ARHGAP27: variants seen among roughly 807,000 people sequenced by gnomAD.
ARHGAP27 encodes the protein rho GTPase-activating protein 27.
A neutral mutation model predicts 102.0 loss-of-function variants in ARHGAP27; 53 were observed. The ratio of observed to expected loss-of-function variants is 0.52; its 90% CI spans 0.42 to 0.65. ARHGAP27 has a LOEUF of 0.65. Ranked by LOEUF, ARHGAP27 falls within the 30% of genes least tolerant of loss-of-function variation. The pLI is 0.00. For synonymous variants in ARHGAP27, 525 were observed against 542.8 expected (o/e 0.97, Z 0.46); for missense variants, 1,117 against 1,256.2 (o/e 0.89, Z 1.68).
chr17:45,415,671 G>A (rs2048380623), intron 4 of ARHGAP27, among the ~76,000 whole-genome samples: 1 of 152,112 alleles, frequency 6.6e-6, no homozygotes, highest in African/African-American at 2.4e-5. Flanking sequence ...CCATTGATCC[G>A]ACCAGCCTAA....
Position 45,405,029 on chromosome 17 carries a change from G to C in ARHGAP27, c.1143C>G (p.Phe381Leu). 1 of 1,613,750 alleles carries C rather than the reference G, an allele frequency of 6.2e-7. No homozygotes were observed. The highest frequency in any genetic ancestry group is 8.5e-7 in the Non-Finnish European group (1 of 1,179,808). ...PEEDYSPVGSFGEPGPTSPLT... is the reference protein window; with the variant it reads ...PEEDYSPVGSLGEPGPTSPLT... ...AGGGAGAGGTAGGGCCGGGCTCACC[G>C]AAAGAGCCCACGGGAGAATAGTCCT... Residue 381 changes from phenylalanine to leucine, a missense_variant, in exon 6 of 20, where the codon TTC (phenylalanine) becomes TTG (leucine). By Grantham distance (22) the Phe-to-Leu change is conservative. This residue lies in a region of ARHGAP27 where 610 missense variants were observed against 716.4 expected (regional missense o/e 0.85). Coordinates refer to ENST00000685559, the MANE Select transcript of ARHGAP27 (RefSeq NM_001282290.2).
rs36233058 is a variant in ARHGAP27, at chr17:45,412,962, C to CTTTTTTTTTT, written c.658-6889_658-6880dup. Among the ~76,000 whole-genome samples the CTTTTTTTTTT allele has an allele frequency of 1.7e-4, 7 of 41,142 alleles. 1 individual carries two copies. The highest frequency in any genetic ancestry group is 6.8e-4 in the African/African-American group (7 of 10,272). 27.0% of individuals were successfully genotyped at this position (41,142 alleles called of 152,430 possible). A position where few individuals can be genotyped will look rare whatever the true frequency, so the allele number is the denominator to read the frequency against. On this transcript the variant is annotated intron_variant, in intron 4 of 19. Coordinates refer to ENST00000685559, the MANE Select transcript of ARHGAP27 (RefSeq NM_001282290.2). ...GTGTGGCACCACGGCTCAGTATAAT[C>CTTTTTTTTTT]TTTTTTTTTTTTTTTTTTTTTTTTT...
Position 45,396,544 on chromosome 17 carries a change from C to T in ARHGAP27, c.2116G>A (p.Glu706Lys), listed in dbSNP as rs775518547. The T allele has an allele frequency of 1.9e-6, 3 of 1,593,120 alleles. No individual in the cohort carries two copies. Among genetic ancestry groups the T allele is most frequent in the African/African-American group, 1.3e-5 (1 of 74,646 alleles). ...GCALAALCER[E>K]RSRVPRFVQQ... ...ACGAAGCGTGGCACCCGGCTCCTCT[C>T]GCGCTCACACAGCGCGGCCAGCGCG... Residue 706 changes from glutamate (E) to lysine (K), a missense_variant, in exon 16 of 20, where the codon GAG becomes AAG. By Grantham distance (56) the Glu-to-Lys change is moderately conservative. Coordinates refer to ENST00000685559, the MANE Select transcript of ARHGAP27 (RefSeq NM_001282290.2).
At chr17:45,406,130 A>G in intron 4 of ARHGAP27, 47 bp from the exon 5 acceptor site, 2 of 1,473,586 alleles carry the variant, frequency 1.4e-6, no homozygotes, top group South Asian at 1.3e-5. Flanking sequence ...AAACCTTCCA[A>G]AATGGTAACA....
chr17:45,395,426 G>C lies in ARHGAP27; in HGVS notation c.*30C>G. The C allele has an allele frequency of 6.5e-7, 1 of 1,535,946 alleles. No individual in the cohort carries two copies. The highest frequency in any genetic ancestry group is 8.8e-7 in the Non-Finnish European group (1 of 1,137,388). On this transcript the variant is annotated 3_prime_UTR_variant, in exon 20 of 20. Transcript: ENST00000685559. ...GCCGCCCAGCTTGTGTGGCAGGACC[G>C]CGGCCGCCGCCCCAGTCACAGGCCA...
rs2144058426 is a variant in ARHGAP27, at chr17:45,393,920, A to T, written c.*1536T>A. 6.5e-6 allele frequency: 1 copy of T among 152,794 alleles called. No homozygotes were observed. Among genetic ancestry groups the T allele is most frequent in the East Asian group, 1.9e-4 (1 of 5,188 alleles). 9.5% of individuals were successfully genotyped at this position (152,794 alleles called of 1,614,324 possible). A position where few individuals can be genotyped will look rare whatever the true frequency, so the allele number is the denominator to read the frequency against. ...ACATTTGTCAAAGTAGGAGAATAGAACATATTTTATTTAACAGTTGTTAGC... is the reference window on the plus strand; with the variant it reads ...ACATTTGTCAAAGTAGGAGAATAGATCATATTTTATTTAACAGTTGTTAGC... On this transcript the variant is annotated 3_prime_UTR_variant, in exon 20 of 20. Coordinates refer to ENST00000685559, the MANE Select transcript of ARHGAP27 (RefSeq NM_001282290.2).
At chr17:45,400,335 G>T (rs1182196914) in intron 12 of ARHGAP27, among the ~76,000 whole-genome samples, 3 of 152,050 alleles carry the variant, frequency 2.0e-5, no homozygotes, top group Admixed American at 2.0e-4. Context: ...ATAAAATTTG[G>T]GGCTGTCTCT....
intron 4 of ARHGAP27, among the ~76,000 whole-genome samples, chr17:45,425,907 T>C (rs1224771398): frequency 6.6e-6 from 1 of 152,148 alleles, no homozygotes; most frequent in Non-Finnish European, 1.5e-5. Context: ...TCATCCCTGC[T>C]TACCTCCCCC....
In ARHGAP27 at chr17:45,429,633, C is replaced by G. The variant is rs559077217; in HGVS notation, c.647G>C (p.Ser216Thr). ...QDLHVPPPEESAEQVDDPPEP... is the reference protein window; with the variant it reads ...QDLHVPPPEETAEQVDDPPEP... The stretch of plus-strand genomic sequence containing the variant: ...CGCCCGGGGAGGTACCTGCTCTGCG[C>G]TCTCCTCCGGCGGCGGGACGTGCAA... The change falls in exon 4 of 20, where the codon AGC (serine) becomes ACC (threonine). Residue 216 changes from serine (S) to threonine (T), a missense_variant. Coordinates refer to ENST00000685559, the MANE Select transcript of ARHGAP27 (RefSeq NM_001282290.2). 2 of 1,582,786 alleles carry G rather than the reference C, an allele frequency of 1.3e-6. No homozygotes were observed. Among genetic ancestry groups the G allele is most frequent in the Admixed American group, 3.5e-5 (2 of 56,818 alleles).
At chr17:45,413,383 G>C (rs1245632666) in intron 4 of ARHGAP27, among the ~76,000 whole-genome samples, 1 of 152,062 alleles carries the variant, frequency 6.6e-6, no homozygotes, top group Non-Finnish European at 1.5e-5. Context: ...GATTCAGAGG[G>C]AAAAAGAGTG....
At chr17:45,413,228 C>G (rs2048103511) in intron 4 of ARHGAP27, among the ~76,000 whole-genome samples, 1 of 152,012 alleles carries the variant, frequency 6.6e-6, no homozygotes, top group Non-Finnish European at 1.5e-5. Flanking sequence ...GATCCGCCGC[C>G]TTGGTCTCCC....
At chr17:45,415,124 A>C (rs982710804) in intron 4 of ARHGAP27, among the ~76,000 whole-genome samples, 1 of 151,448 alleles carries the variant, frequency 6.6e-6, no homozygotes, top group Admixed American at 6.6e-5. Context: ...CCTTTTAACA[A>C]CTAATTCCTT....
chr17:45,429,375 C>T, intron 4 of ARHGAP27: 1 of 1,336,108 alleles, frequency 7.5e-7, no homozygotes, highest in Non-Finnish European at 9.6e-7. Flanking sequence ...AATTTTGCCA[C>T]CAATTGGATT....
chr17:45,410,249 G>C, intron 4 of ARHGAP27: 1 of 1,533,672 alleles, frequency 6.5e-7, no homozygotes. Flanking sequence ...GGCAAGGCTC[G>C]ACTCTGCCTC....
At chr17:45,418,628 C>G (rs2048719360) in intron 4 of ARHGAP27, among the ~76,000 whole-genome samples, 1 of 152,146 alleles carries the variant, frequency 6.6e-6, no homozygotes, top group South Asian at 2.1e-4. Context: ...TTAAACACGC[C>G]CTGTTTCCCC....
chr17:45,404,763 C>A, intron 6 of ARHGAP27, 82 bp from the exon 7 acceptor site: 1 of 1,523,798 alleles, frequency 6.6e-7, no homozygotes, highest in Non-Finnish European at 9.0e-7. Flanking sequence ...GGTTCCAAGA[C>A]AGCACCAGGG....
rs781757691 is a variant in ARHGAP27, at chr17:45,395,434, C to T, written c.*22G>A. The T allele has an allele frequency of 8.4e-6, 13 of 1,542,460 alleles. No homozygotes were observed. Among genetic ancestry groups the T allele is most frequent in the Non-Finnish European group, 1.1e-5 (12 of 1,141,028 alleles). On this transcript the variant is annotated 3_prime_UTR_variant, in exon 20 of 20. Transcript: ENST00000685559. ...GCTTGTGTGGCAGGACCGCGGCCGC[C>T]GCCCCAGTCACAGGCCAGCAGTCAG...
Position 45,396,120 on chromosome 17 carries a change from G to C in ARHGAP27, c.2252-3C>G. 1 of 1,608,882 alleles carries C rather than the reference G, an allele frequency of 6.2e-7. No individual in the cohort carries two copies. Among genetic ancestry groups the C allele is most frequent in the South Asian group, 1.1e-5 (1 of 90,590 alleles). On this transcript the variant is annotated splice_region_variant and splice_polypyrimidine_tract_variant and intron_variant, in intron 17 of 19. Transcript: ENST00000685559. ...GTCATCCAGGTCAAGGCGCTCATCT[G>C]TGGCGGAGGAAGGGAGGAGGACGGA... is the stretch of plus-strand genomic sequence containing the variant.
Position 45,395,965 on chromosome 17 carries a change from C to A in ARHGAP27, c.2386+18G>T, listed in dbSNP as rs745997480. 4 of 1,601,168 alleles carry A rather than the reference C, an allele frequency of 2.5e-6. No homozygotes were observed. Among genetic ancestry groups the A allele is most frequent in the Non-Finnish European group, 3.4e-6 (4 of 1,172,564 alleles). On this transcript the variant is annotated intron_variant, in intron 18 of 19. Coordinates refer to ENST00000685559, the MANE Select transcript of ARHGAP27 (RefSeq NM_001282290.2). Reference sequence around the variant, plus strand: ...CCACGCCCCTACCCCATCCGCCCCACCTGCCCCAGGTGCTCACTGATGGCC... The same window carrying A: ...CCACGCCCCTACCCCATCCGCCCCAACTGCCCCAGGTGCTCACTGATGGCC...
Sources: gnomAD v4.1 joint callset for allele counts (sites outside exome capture counted in the v4.1 genomes callset) on GRCh38, gnomAD v4.1.1 for gene constraint, gnomAD v4.1.1 regional missense constraint, MANE v1.5 for transcripts, NCBI Gene and HGNC (gene_info 2026-07-23, HGNC 2026-07-21) for gene names.